Variants in TMC4 observed in about 807,000 individuals in gnomAD.
TMC4 encodes the protein voltage-gated chloride channel TMC4.
In TMC4, 70 loss-of-function variants were observed where a neutral mutation model predicts 82.0. The ratio of observed to expected loss-of-function variants is 0.85; its 90% CI spans 0.70 to 1.04. TMC4 has a LOEUF of 1.04. TMC4 is among the 50% of genes least tolerant of loss of function. The pLI is 0.00. For synonymous variants in TMC4, 446 were observed against 406.0 expected (o/e 1.10, Z -1.18); for missense variants, 879 against 899.0 (o/e 0.98, Z 0.28).
Position 54,160,544 on chromosome 19 carries a change from T to A in TMC4, c.1975A>T (p.Ile659Phe). The change falls in exon 14 of 15, where the codon ATC becomes TTC. Residue 659 changes from isoleucine to phenylalanine, a missense_variant and splice_region_variant. Physicochemically the swap from Ile to Phe is conservative, Grantham distance 21. Coordinates refer to ENST00000619895, the MANE Select transcript of TMC4 (RefSeq NM_144686.4). ...FAVPLLLISS[I>F]LMAYTVALAN... is the part of the protein sequence containing the mutation. ...AGAGCCACAGTGTACGCCATCAGGATGCTGAAGGAGACAGGAACGGAAGCC... is the reference window on the plus strand; with the variant it reads ...AGAGCCACAGTGTACGCCATCAGGAAGCTGAAGGAGACAGGAACGGAAGCC... 1.2e-6 allele frequency: 2 copies of A among 1,614,050 alleles called. No homozygotes were observed. The highest frequency in any genetic ancestry group is 1.7e-6 in the Non-Finnish European group (2 of 1,179,990).
At chr19:54,161,977 C>T in intron 11 of TMC4, 125 bp downstream of exon 11, 2 of 807,848 alleles carry the variant, frequency 2.5e-6, no homozygotes, top group African/African-American at 1.8e-5. Context: ...AGTAGTCTGT[C>T]CTCCAACCCC....
At position 54,167,627 on chromosome 19, in the gene TMC4, T is replaced by A. The variant is rs185542365; in HGVS notation, c.797+544A>T. Among the ~76,000 whole-genome samples, 734 of 148,522 alleles carry A rather than the reference T, an allele frequency of 4.9e-3. 2 individuals carry two copies. The highest frequency in any genetic ancestry group is 0.017 in the African/African-American group (703 of 40,388). On this transcript the variant is annotated intron_variant, in intron 5 of 14. Transcript: ENST00000619895. ...AAAACCTTGATCTTTTTTTTTTTTT[T>A]AGATGGAGTTTCTCTCTGTCGCCCA...
chr19:54,173,137 T>G lies in TMC4; in HGVS notation c.-20A>C. 1 of 1,612,176 alleles carries G rather than the reference T, an allele frequency of 6.2e-7. No homozygotes were observed. The highest frequency in any genetic ancestry group is 8.5e-7 in the Non-Finnish European group (1 of 1,178,684). ...TTCCATGGCCCCAGGCTGGGCTGTC[T>G]CTAGTGGCCACCAGGCAGACACTGC... On this transcript the variant is annotated 5_prime_UTR_variant, in exon 1 of 15. Transcript: ENST00000619895.
Position 54,163,627 on chromosome 19 carries a change from G to T in TMC4, c.1277+97C>A, listed in dbSNP as rs762726593. ...GTCAGGATTTGAATCCCTGGATTCG[G>T]TATCAGCAGGATTTCCGTGTCTTAC... On this transcript the variant is annotated intron_variant, in intron 8 of 14. Coordinates refer to ENST00000619895, the MANE Select transcript of TMC4 (RefSeq NM_144686.4). 15 of 1,410,044 alleles carry T rather than the reference G, an allele frequency of 1.1e-5. No homozygotes were observed. In the East Asian group the frequency reaches 1.6e-4, roughly 15 times the overall value. The allele number at this position is 1,410,044 out of a possible 1,614,324, so 87.3% of individuals were successfully genotyped here. A position where few individuals can be genotyped will look rare whatever the true frequency, so the allele number is the denominator to read the frequency against.
chr19:54,162,416 G>C (rs901777828), intron 10 of TMC4, 131 bp from the exon 11 acceptor site: 4 of 727,802 alleles, frequency 5.5e-6, no homozygotes, highest in Non-Finnish European at 8.6e-6. Flanking sequence ...GGACTTTCAG[G>C]ACTCCACGTG....
At chr19:54,165,198 G>A (rs185954412) in intron 6 of TMC4, among the ~76,000 whole-genome samples, 229 of 150,968 alleles carry the variant, frequency 1.5e-3, no homozygotes, top group Middle Eastern at 6.8e-3. Flanking sequence ...ATTAGCCACC[G>A]ATCCCAGCCC....
At chr19:54,161,895 G>C (rs531636916) in intron 11 of TMC4, among the ~76,000 whole-genome samples, 77 of 152,096 alleles carry the variant, frequency 5.1e-4, no homozygotes, top group Non-Finnish European at 8.7e-4. Context: ...CCTCATCTAG[G>C]ACCCCGGAGT....
rs372999559 is a variant in TMC4, at chr19:54,173,054, G to A, written c.64C>T (p.Arg22Trp). 2.1e-4 allele frequency: 333 copies of A among 1,612,324 alleles called. No homozygotes were observed. The highest frequency in any genetic ancestry group is 3.6e-4 in the African/African-American group (27 of 74,822). The change falls in exon 1 of 15, where the codon CGG becomes TGG. Residue 22 changes from arginine (R) to tryptophan (W), a missense_variant. Arg to Trp is a moderately radical substitution (Grantham distance 101). Coordinates refer to ENST00000619895, the MANE Select transcript of TMC4 (RefSeq NM_144686.4). The part of the protein sequence containing the change: ...WGSSREWLAP[R>W]EARGGPSLSS... ...CATTCCCTACCTCCTCTGGCCTCCC[G>A]GGGGGCCAGCCACTCCCTAGAGGAG...
rs753571215 is a variant in TMC4 at position 54,160,457 on chromosome 19, C to A, written c.2052+10G>T. ...CCCCAGGGGCCCTCTCAGGGACCCGCCTGGCTCACCGTCTCTCTCTGACGT... is the reference window on the plus strand; with the variant it reads ...CCCCAGGGGCCCTCTCAGGGACCCGACTGGCTCACCGTCTCTCTCTGACGT... On this transcript the variant is annotated intron_variant, in intron 14 of 14. Coordinates refer to ENST00000619895, the MANE Select transcript of TMC4 (RefSeq NM_144686.4). 1.2e-6 allele frequency: 2 copies of A among 1,613,118 alleles called. No homozygotes were observed. Among genetic ancestry groups the A allele is most frequent in the Non-Finnish European group, 1.7e-6 (2 of 1,179,346 alleles).
intron 2 of TMC4, among the ~76,000 whole-genome samples, chr19:54,171,092 T>C (rs979290030): frequency 2.0e-5 from 3 of 151,578 alleles, no homozygotes; most frequent in Non-Finnish European, 1.5e-5. Context: ...TGTATATATA[T>C]ACACACATAT....
At position 54,172,026 on chromosome 19, in the gene TMC4, C is replaced by T. The variant is rs750865221; in HGVS notation, c.137G>A (p.Arg46Gln). Residue 46 changes from arginine (R) to glutamine (Q), a missense_variant, in exon 2 of 15, where the codon CGA becomes CAA. Coordinates refer to ENST00000619895, the MANE Select transcript of TMC4 (RefSeq NM_144686.4). ...ELPSAATLRY[R>Q]DPGVLPWGAL... ...CCCCCAAGGCAGCACCCCAGGGTCT[C>T]GGTACCGAAGGGTGGCAGCACTGGG... The T allele has an allele frequency of 1.5e-5, 24 of 1,613,358 alleles. No homozygotes were observed. The highest frequency in any genetic ancestry group is 3.3e-5 in the Admixed American group (2 of 59,954).
chr19:54,165,070 C>CTTTT (rs34861271), intron 6 of TMC4, among the ~76,000 whole-genome samples: 10 of 136,050 alleles, frequency 7.4e-5, no homozygotes, highest in African/African-American at 2.5e-4. Context: ...AAAAAACAAA[C>CTTTT]TTTTTTTTTT....
chr19:54,166,189 G>A (rs1362734148), intron 5 of TMC4, among the ~76,000 whole-genome samples: 1 of 151,198 alleles, frequency 6.6e-6, no homozygotes, highest in African/African-American at 2.4e-5. Context: ...GACCAGCCTG[G>A]CCAATGTGGT....
chr19:54,172,791 C>T (rs2075940459), intron 1 of TMC4: 1 of 470,982 alleles, frequency 2.1e-6, no homozygotes, highest in Non-Finnish European at 3.8e-6. Flanking sequence ...TCTCCTATTC[C>T]CAAGACACCC....
Position 54,160,344 on chromosome 19 carries a change from G to T in TMC4, c.2083C>A (p.Arg695Ser). ...EAQNKVFLARRAVALTSTKPA... is the reference protein window; with the variant it reads ...EAQNKVFLARSAVALTSTKPA... ...TTGGTGGAGGTCAGCGCCACAGCGC[G>T]CCGTGCCAGGAAGACTTTATTCTGC... Residue 695 changes from arginine (R) to serine (S), a missense_variant, in exon 15 of 15, where the codon CGC becomes AGC. By Grantham distance (110) the Arg-to-Ser change is moderately radical. Transcript: ENST00000619895. 3 of 1,523,534 alleles carry T rather than the reference G, an allele frequency of 2.0e-6. No homozygotes were observed. The highest frequency in any genetic ancestry group is 2.6e-6 in the Non-Finnish European group (3 of 1,136,098). The allele number at this position is 1,523,534 out of a possible 1,614,324, so 94.4% of individuals were successfully genotyped here.
chr19:54,171,945 A>C lies in TMC4; in HGVS notation c.218T>G (p.Val73Gly). 1 of 1,613,640 alleles carries C rather than the reference A, an allele frequency of 6.2e-7. No homozygotes were observed. Among genetic ancestry groups the C allele is most frequent in the South Asian group, 1.1e-5 (1 of 91,040 alleles). ...AGGGTCCTGCAGCTCTGTCTGGGTG[A>C]CTTCTGTGAAGGCCTTTCTGCTCCT... is the stretch of plus-strand genomic sequence containing the variant. Reference protein sequence around the residue: ...GGRSRKAFTEVTQTELQDPHP... With the variant: ...GGRSRKAFTEGTQTELQDPHP... The change falls in exon 2 of 15, where the codon GTC becomes GGC. Residue 73 changes from valine to glycine, a missense_variant. Physicochemically the swap from Val to Gly is moderately radical, Grantham distance 109. Transcript: ENST00000619895.
intron 9 of TMC4, 66 bp downstream of exon 9, chr19:54,162,967 G>C: frequency 6.2e-7 from 1 of 1,612,882 alleles, no homozygotes; most frequent in Non-Finnish European, 8.5e-7. Context: ...CAAGAGTCTG[G>C]ACCCACCCAG....
At chr19:54,164,060 T>C (rs1309827214) in intron 7 of TMC4, among the ~76,000 whole-genome samples, 173 bp from the exon 8 acceptor site, 1 of 149,618 alleles carries the variant, frequency 6.7e-6, no homozygotes, top group Non-Finnish European at 1.5e-5. Context: ...CTGCAACCTC[T>C]GCCTCCCGGG....
chr19:54,168,892 T>C lies in TMC4; in HGVS notation c.443-212A>G, dbSNP rs1283571028. On this transcript the variant is annotated intron_variant, in intron 3 of 14. Coordinates refer to ENST00000619895, the MANE Select transcript of TMC4 (RefSeq NM_144686.4). Reference sequence around the variant, plus strand: ...CTTTTCTTTTCTTTTCTTTTCTTTCTTTCCTTTCTTTCTTCTTTCTTTCCT... The same window carrying C: ...CTTTTCTTTTCTTTTCTTTTCTTTCCTTCCTTTCTTTCTTCTTTCTTTCCT... 3.7e-3 allele frequency among the ~76,000 whole-genome samples: 110 copies of C among 29,372 alleles called. 13 individuals are homozygous for C. Among genetic ancestry groups the C allele is most frequent in the Middle Eastern group, 0.015 (1 of 66 alleles). The allele number at this position is 29,372 out of a possible 152,430, so 19.3% of individuals were successfully genotyped here. A position where few individuals can be genotyped will look rare whatever the true frequency, so the allele number is the denominator to read the frequency against.
Sources: allele counts gnomAD v4.1 joint callset (sites outside exome capture counted in the v4.1 genomes callset), GRCh38; gene constraint gnomAD v4.1.1; transcripts MANE v1.5; gene names NCBI Gene and HGNC (gene_info 2026-07-23, HGNC 2026-07-21).